The following TRABD2B variants were observed in gnomAD, a reference collection of about 807,000 sequenced individuals.
TRABD2B encodes TraB domain containing 2B, also known as metalloprotease TIKI2.
TRABD2B carries 14 observed loss-of-function variants against 40.1 expected under a neutral mutation model. The ratio of observed to expected loss-of-function variants is 0.35; its 90% CI spans 0.23 to 0.55. TRABD2B has a LOEUF of 0.55. Ranked by LOEUF, TRABD2B falls within the 20% of genes least tolerant of loss-of-function variation. TRABD2B has a pLI of 0.90. For missense variants in TRABD2B, 541 were observed against 648.6 expected (o/e 0.83, Z 1.80); for synonymous variants, 263 against 277.0 (o/e 0.95, Z 0.50).
In TRABD2B at chr1:47,896,750, C is replaced by T. The variant is rs116830600; in HGVS notation, c.667-95131G>A. On this transcript the variant is annotated intron_variant, in intron 2 of 6. Transcript: ENST00000606738. ...ACTGGCCTGGGTTCTGATCCTGGTA[C>T]TGCCACTTCTTGGGCAAGAAACTCC... Among the ~76,000 whole-genome samples, 1,264 of 152,298 alleles carry T rather than the reference C, an allele frequency of 8.3e-3. 13 individuals carry two copies. Among genetic ancestry groups the T allele is most frequent in the Middle Eastern group, 0.034 (10 of 294 alleles).
intron 2 of TRABD2B, among the ~76,000 whole-genome samples, chr1:47,823,444 A>C (rs1419701990): frequency 6.6e-6 from 1 of 152,266 alleles, no homozygotes; most frequent in Non-Finnish European, 1.5e-5. Context: ...CTCCGGCCCC[A>C]TCTGGCCTCC....
At chr1:47,936,401 A>G (rs557199620) in intron 2 of TRABD2B, among the ~76,000 whole-genome samples, 2 of 152,260 alleles carry the variant, frequency 1.3e-5, no homozygotes, top group Admixed American at 1.3e-4. Flanking sequence ...ACAACAGGAA[A>G]GGTGAACAGA....
In TRABD2B at chr1:47,996,405, C is replaced by CAG. The variant is rs1220713750; in HGVS notation, c.102+281_102+282dup. Reference sequence around the variant, plus strand: ...ATGAGAAAGGAGAGACAAAAAGGGGCAGAGAGAGAGGAGGCGTCCAAGCAG... The same window carrying CAG: ...ATGAGAAAGGAGAGACAAAAAGGGGCAGAGAGAGAGAGGAGGCGTCCAAGCAG... On this transcript the variant is annotated intron_variant, in intron 1 of 6. Transcript: ENST00000606738. The surrounding 1 kb of genome is among the most constrained non-coding windows in gnomAD (Gnocchi z 4.6). Among the ~76,000 whole-genome samples, 5 of 152,050 alleles carry CAG rather than the reference C, an allele frequency of 3.3e-5. No homozygotes were observed. Among genetic ancestry groups the CAG allele is most frequent in the African/African-American group, 4.8e-5 (2 of 41,398 alleles).
At chr1:47,816,901 C>A (rs114240708) in intron 2 of TRABD2B, among the ~76,000 whole-genome samples, 1,898 of 152,272 alleles carry the variant, frequency 0.012, 37 homozygotes, top group African/African-American at 0.043. Context: ...TGAGGTCACA[C>A]AGCAAGTAAG....
intron 2 of TRABD2B, among the ~76,000 whole-genome samples, chr1:47,937,658 C>T (rs1645131518): frequency 6.6e-6 from 1 of 151,576 alleles, no homozygotes; most frequent in Non-Finnish European, 1.5e-5. Context: ...AAAAAACAAG[C>T]TTCCTGTCAC....
chr1:47,847,381 T>C (rs145564424), intron 2 of TRABD2B, among the ~76,000 whole-genome samples: 40 of 152,328 alleles, frequency 2.6e-4, no homozygotes, highest in African/African-American at 9.4e-4. Flanking sequence ...GGGCCCATAT[T>C]GATTATCTTC....
chr1:47,770,052 C>T (rs1304250358), intron 6 of TRABD2B, among the ~76,000 whole-genome samples: 3 of 152,154 alleles, frequency 2.0e-5, no homozygotes, highest in African/African-American at 7.2e-5. Context: ...GGTCTTGGCA[C>T]TAGAGGGTCT....
intron 2 of TRABD2B, among the ~76,000 whole-genome samples, chr1:47,827,305 C>T (rs866139472): frequency 7.2e-5 from 11 of 152,316 alleles, no homozygotes; most frequent in East Asian, 1.9e-4. Flanking sequence ...GCCGAAGACA[C>T]GCTTGATTTC....
chr1:47,959,402 C>CA (rs1322591975), intron 2 of TRABD2B, among the ~76,000 whole-genome samples: 2 of 151,962 alleles, frequency 1.3e-5, no homozygotes, highest in Non-Finnish European at 2.9e-5. Flanking sequence ...AAAAGCCCTT[C>CA]AAAAAATCGA....
At chr1:47,915,277 C>A (rs1028201194) in intron 2 of TRABD2B, among the ~76,000 whole-genome samples, 1 of 152,156 alleles carries the variant, frequency 6.6e-6, no homozygotes, top group Non-Finnish European at 1.5e-5. Flanking sequence ...AGCATTGCCT[C>A]GGTAGGCAAC....
intron 2 of TRABD2B, among the ~76,000 whole-genome samples, chr1:47,980,454 A>G (rs1645825098): frequency 6.6e-6 from 1 of 152,170 alleles, no homozygotes; most frequent in African/African-American, 2.4e-5. Flanking sequence ...GAGCTCTGCA[A>G]AGCCCCAGCT....
At chr1:47,821,722 C>G (rs1645113102) in intron 2 of TRABD2B, among the ~76,000 whole-genome samples, 1 of 152,136 alleles carries the variant, frequency 6.6e-6, no homozygotes, top group Non-Finnish European at 1.5e-5. Flanking sequence ...CCCTGTGATC[C>G]TGCAAAGGCC....
Position 47,923,484 on chromosome 1 carries a change from G to A in TRABD2B, c.666+70550C>T, listed in dbSNP as rs72898165. Among the ~76,000 whole-genome samples, 1,188 of 152,324 alleles carry A rather than the reference G, an allele frequency of 7.8e-3. 10 individuals are homozygous for A. The highest frequency in any genetic ancestry group is 0.027 in the African/African-American group (1,130 of 41,568). Reference sequence around the variant, plus strand: ...CCTGACCACTGCACAGGCTGCTAGAGGATCTTGGGAAAGGATGGCTGAGAA... The same window carrying A: ...CCTGACCACTGCACAGGCTGCTAGAAGATCTTGGGAAAGGATGGCTGAGAA... On this transcript the variant is annotated intron_variant, in intron 2 of 6. Coordinates refer to ENST00000606738, the MANE Select transcript of TRABD2B (RefSeq NM_001194986.2).
At chr1:47,966,102 C>A (rs1645598880) in intron 2 of TRABD2B, among the ~76,000 whole-genome samples, 1 of 152,176 alleles carries the variant, frequency 6.6e-6, no homozygotes, top group African/African-American at 2.4e-5. Context: ...AGCACGGGGT[C>A]TGAGGGTTTG....
chr1:47,991,361 G>T (rs1421765949), intron 2 of TRABD2B, among the ~76,000 whole-genome samples: 1 of 152,202 alleles, frequency 6.6e-6, no homozygotes, highest in Non-Finnish European at 1.5e-5. Context: ...GAGCTTGAAT[G>T]ATGACCTCAT....
intron 2 of TRABD2B, among the ~76,000 whole-genome samples, chr1:47,909,900 G>T (rs12743195): frequency 1 from 147,628 of 147,628 alleles, 73,814 homozygotes; most frequent in Non-Finnish European, 1. Flanking sequence ...TTACCCAGGG[G>T]GGGGGCTGGA....
intron 2 of TRABD2B, among the ~76,000 whole-genome samples, chr1:47,955,955 A>G (rs9660630): frequency 0.44 from 66,404 of 152,082 alleles, 17,232 homozygotes; most frequent in Middle Eastern, 0.61. Flanking sequence ...TGCTTGGCAC[A>G]TAGATGAATC....
chr1:47,936,210 G>A (rs1234838460), intron 2 of TRABD2B, among the ~76,000 whole-genome samples: 1 of 152,196 alleles, frequency 6.6e-6, no homozygotes, highest in African/African-American at 2.4e-5. Context: ...AAAGAGAAGA[G>A]ATTGGTTTAC....
At chr1:47,869,451 GCCACGGTGGTC>G (rs1644109342) in intron 2 of TRABD2B, among the ~76,000 whole-genome samples, 1 of 152,144 alleles carries the variant, frequency 6.6e-6, no homozygotes, top group Non-Finnish European at 1.5e-5. Flanking sequence ...GCAAACATGC[GCCACGGTGGTC>G]CGCAAAAGAA....
Sources: allele counts gnomAD v4.1 joint callset (sites outside exome capture counted in the v4.1 genomes callset), GRCh38; gene constraint gnomAD v4.1.1; non-coding constraint Gnocchi (gnomAD v3.1); transcripts MANE v1.5; gene names NCBI Gene and HGNC (gene_info 2026-07-23, HGNC 2026-07-21).